C21orf91: variants seen among roughly 807,000 people sequenced by gnomAD.
The protein encoded by C21orf91 is protein EURL homolog.
Under a neutral mutation model 32.9 loss-of-function variants are expected in C21orf91, and 26 were observed. The observed-to-expected ratio is 0.79, with a 90% CI of 0.58 to 1.10. The LOEUF (loss-of-function observed/expected upper bound fraction) is 1.10. Among genes scored for constraint, C21orf91 ranks in the 50% least tolerant of loss-of-function variants. The pLI is 0.00. For synonymous variants in C21orf91, 126 were observed against 120.4 expected (o/e 1.05, Z -0.31); for missense variants, 310 against 341.3 (o/e 0.91, Z 0.72).
chr21:17,794,407 GT>G (rs935060917), intron 4 of C21orf91, among the ~76,000 whole-genome samples: 15 of 152,298 alleles, frequency 9.8e-5, no homozygotes, highest in Admixed American at 2.6e-4. Context: ...GACTGTGACT[GT>G]TTTTTAAAAA....
chr21:17,800,237 T>A lies in C21orf91; in HGVS notation c.128-3119A>T, dbSNP rs74338553. Among the ~76,000 whole-genome samples the A allele has an allele frequency of 2.5e-3, 376 of 152,340 alleles. 10 individuals carry two copies. In the East Asian group the frequency reaches 0.068, roughly 28 times the overall value. Reference sequence around the variant, plus strand: ...TAGTTACATCAGTCGTACTAAAATTTAAAAACCTGACTGAGTTTTAAAGTT... The same window carrying A: ...TAGTTACATCAGTCGTACTAAAATTAAAAAACCTGACTGAGTTTTAAAGTT... On this transcript the variant is annotated intron_variant, in intron 2 of 4. Transcript: ENST00000284881.
At chr21:17,795,298 AC>A (rs1362127088) in intron 3 of C21orf91, 28 bp from the exon 4 acceptor site, 1 of 1,460,042 alleles carries the variant, frequency 6.8e-7, no homozygotes, top group Admixed American at 1.7e-5. Flanking sequence ...ATTCACTATT[AC>A]CACAACAACC....
chr21:17,802,025 C>T (rs1185883308), intron 2 of C21orf91, among the ~76,000 whole-genome samples: 1 of 152,120 alleles, frequency 6.6e-6, no homozygotes, highest in Non-Finnish European at 1.5e-5. Context: ...CTCCCTCTAA[C>T]CCATCTGGCA....
At chr21:17,811,896 A>G (rs1568756056) in intron 2 of C21orf91, among the ~76,000 whole-genome samples, 1 of 152,150 alleles carries the variant, frequency 6.6e-6, no homozygotes, top group Non-Finnish European at 1.5e-5. Context: ...CATTTTTATC[A>G]ATGACTTAAA....
intron 2 of C21orf91, among the ~76,000 whole-genome samples, chr21:17,812,525 G>A (rs111263393): frequency 0.095 from 14,487 of 152,236 alleles, 880 homozygotes; most frequent in African/African-American, 0.16. Flanking sequence ...AGAAACCACT[G>A]TTGGCCGGGC....
Position 17,819,336 on chromosome 21 carries a change from T to G in C21orf91, c.-41A>C, listed in dbSNP as rs972735933. 6.6e-6 allele frequency: 1 copy of G among 152,344 alleles called. No homozygotes were observed. Among genetic ancestry groups the G allele is most frequent in the Non-Finnish European group, 1.5e-5 (1 of 68,236 alleles). The allele number at this position is 152,344 out of a possible 1,614,324, so 9.4% of individuals were successfully genotyped here. A position where few individuals can be genotyped will look rare whatever the true frequency, so the allele number is the denominator to read the frequency against. On this transcript the variant is annotated 5_prime_UTR_variant, in exon 1 of 5. Coordinates refer to ENST00000284881, the MANE Select transcript of C21orf91 (RefSeq NM_001100420.2). ...TCCGCGGGCCACCACCGCCGTTCCG[T>G]GCGGCTCGGGTTCCTCCACTATTGT...
intron 1 of C21orf91, 46 bp from the exon 2 acceptor site, chr21:17,818,371 C>G (rs969681041): frequency 1.3e-6 from 2 of 1,537,406 alleles, no homozygotes; most frequent in African/African-American, 2.8e-5. Flanking sequence ...CATGAACCTG[C>G]CTTTGGGGTA....
intron 2 of C21orf91, among the ~76,000 whole-genome samples, chr21:17,801,749 C>T (rs2062563155): frequency 1.3e-5 from 2 of 151,224 alleles, no homozygotes; most frequent in South Asian, 2.1e-4. Context: ...ATGTAGGTGA[C>T]GGGTTGATAG....
chr21:17,796,549 C>T lies in C21orf91; in HGVS notation c.664+33G>A, dbSNP rs371714407. The T allele has an allele frequency of 4.9e-5, 76 of 1,559,308 alleles. No homozygotes were observed. The African/African-American group carries it at 9.1e-4, about 19-fold the overall frequency. On this transcript the variant is annotated intron_variant, in intron 3 of 4. Coordinates refer to ENST00000284881, the MANE Select transcript of C21orf91 (RefSeq NM_001100420.2). ...ACAAATGTACAAAAATCCCAAACCA[C>T]CCAACTTTTACTTTTCTCCCCATTT...
chr21:17,816,391 T>C (rs1039580209), intron 2 of C21orf91, among the ~76,000 whole-genome samples: 1 of 152,210 alleles, frequency 6.6e-6, no homozygotes, highest in Non-Finnish European at 1.5e-5. Flanking sequence ...AATTCGATCA[T>C]GGCATGAACT....
In C21orf91 at chr21:17,792,502, T is replaced by G. The variant is rs2062483716; in HGVS notation, c.*913A>C. On this transcript the variant is annotated 3_prime_UTR_variant, in exon 5 of 5. Coordinates refer to ENST00000284881, the MANE Select transcript of C21orf91 (RefSeq NM_001100420.2). ...TTTTTTTTTTCAAAGACAGAACAAT[T>G]TCACAGCACACTCAATTTGAAGATA... 6.6e-6 allele frequency: 1 copy of G among 152,088 alleles called. No homozygotes were observed. The highest frequency in any genetic ancestry group is 1.5e-5 in the Non-Finnish European group (1 of 67,992). 9.4% of individuals were successfully genotyped at this position (152,088 alleles called of 1,614,324 possible). A position where few individuals can be genotyped will look rare whatever the true frequency, so the allele number is the denominator to read the frequency against.
rs1419942336 is a variant in C21orf91, at chr21:17,789,233, C to T, written c.*4182G>A. ...TTAAGTTCAATGACCATAGTATACG[C>T]TACTGTTTTAAAGCAAGGTTCACAC... On this transcript the variant is annotated 3_prime_UTR_variant, in exon 5 of 5. Transcript: ENST00000284881. 1 of 145,050 alleles carries T rather than the reference C, an allele frequency of 6.9e-6. No homozygotes were observed. Among genetic ancestry groups the T allele is most frequent in the Admixed American group, 7.0e-5 (1 of 14,230 alleles). The allele number at this position is 145,050 out of a possible 1,614,324, so 9.0% of individuals were successfully genotyped here. A position where few individuals can be genotyped will look rare whatever the true frequency, so the allele number is the denominator to read the frequency against.
At position 17,793,234 on chromosome 21, in the gene C21orf91, A is replaced by C. The variant is rs974083535; in HGVS notation, c.*181T>G. The C allele has an allele frequency of 2.5e-6, 1 of 402,314 alleles. No homozygotes were observed. The highest frequency in any genetic ancestry group is 2.1e-5 in the African/African-American group (1 of 48,656). 24.9% of individuals were successfully genotyped at this position (402,314 alleles called of 1,614,324 possible). A position where few individuals can be genotyped will look rare whatever the true frequency, so the allele number is the denominator to read the frequency against. On this transcript the variant is annotated 3_prime_UTR_variant, in exon 5 of 5. Transcript: ENST00000284881. The stretch of plus-strand genomic sequence containing the variant: ...AGTCCCCAAATGAGCCAAAATGATT[A>C]GCCCTAGAAGACTAGAGTATAATGA...
chr21:17,801,356 C>T (rs537023042), intron 2 of C21orf91, among the ~76,000 whole-genome samples: 13 of 151,690 alleles, frequency 8.6e-5, no homozygotes, highest in Admixed American at 2.0e-4. Context: ...CTGCAAGCTC[C>T]GCCTCCCAGG....
intron 2 of C21orf91, among the ~76,000 whole-genome samples, chr21:17,813,552 G>A (rs2062646500): frequency 6.6e-6 from 1 of 152,304 alleles, no homozygotes; most frequent in African/African-American, 2.4e-5. Flanking sequence ...ACAGAGAGCA[G>A]CCAGATACAT....
intron 2 of C21orf91, among the ~76,000 whole-genome samples, chr21:17,805,413 A>C (rs963219843): frequency 2.0e-5 from 3 of 152,184 alleles, no homozygotes; most frequent in Non-Finnish European, 4.4e-5. Flanking sequence ...TCCCAGGTTC[A>C]AGCGATTCTC....
At chr21:17,807,004 T>C (rs1325389425) in intron 2 of C21orf91, among the ~76,000 whole-genome samples, 1 of 152,224 alleles carries the variant, frequency 6.6e-6, no homozygotes, top group African/African-American at 2.4e-5. Flanking sequence ...ATTTATCCAA[T>C]ACACTTTGTT....
intron 2 of C21orf91, among the ~76,000 whole-genome samples, chr21:17,807,789 G>C (rs796367045): frequency 8.5e-5 from 13 of 152,328 alleles, no homozygotes; most frequent in African/African-American, 3.1e-4. Context: ...TTGAACTTGA[G>C]AGTGATGATT....
At chr21:17,816,153 G>C (rs1240634795) in intron 2 of C21orf91, among the ~76,000 whole-genome samples, 1 of 152,110 alleles carries the variant, frequency 6.6e-6, no homozygotes, top group Non-Finnish European at 1.5e-5. Context: ...AAACGAAATA[G>C]TTCTAATTCA....
Sources: gnomAD v4.1 joint callset for allele counts (sites outside exome capture counted in the v4.1 genomes callset) on GRCh38, gnomAD v4.1.1 for gene constraint, MANE v1.5 for transcripts, NCBI Gene and HGNC (gene_info 2026-07-23, HGNC 2026-07-21) for gene names.